CFAP97: variants seen among roughly 807,000 people sequenced by gnomAD.
CFAP97 encodes cilia- and flagella-associated protein 97.
A neutral mutation model predicts 43.1 loss-of-function variants in CFAP97; 36 were observed. That is an observed-to-expected ratio of 0.84 (90% CI 0.64 to 1.10). CFAP97 has a LOEUF of 1.10. Among genes scored for constraint, CFAP97 ranks in the 50% least tolerant of loss-of-function variants. The pLI, the probability that CFAP97 is intolerant of heterozygous loss-of-function variation, is 0.00. For missense variants in CFAP97, 657 were observed against 620.3 expected (o/e 1.06, Z -0.63); for synonymous variants, 228 against 225.7 (o/e 1.01, Z -0.09).
chr4:185,172,101 T>C (rs1173497889), intron 3 of CFAP97, among the ~76,000 whole-genome samples: 1 of 152,204 alleles, frequency 6.6e-6, no homozygotes, highest in African/African-American at 2.4e-5. Flanking sequence ...AGTAATAAAA[T>C]TCTAATTTTA....
chr4:185,170,400 G>C (rs1474109050), intron 3 of CFAP97: 1 of 427,244 alleles, frequency 2.3e-6, no homozygotes, highest in Admixed American at 4.2e-5. Flanking sequence ...CACAGAAGAG[G>C]ATAATTTTAT....
intron 1 of CFAP97, among the ~76,000 whole-genome samples, chr4:185,193,010 A>G (rs879551922): frequency 2.6e-5 from 4 of 151,876 alleles, no homozygotes; most frequent in Admixed American, 6.6e-5. Context: ...AAAGTGCTCA[A>G]ATTACAGGCG....
chr4:185,172,237 A>G (rs982807469), intron 3 of CFAP97, among the ~76,000 whole-genome samples: 3 of 152,238 alleles, frequency 2.0e-5, no homozygotes, highest in Admixed American at 6.5e-5. Flanking sequence ...CTAATAAGCT[A>G]GAATAATTTT....
At position 185,190,498 on chromosome 4, in the gene CFAP97, C is replaced by T. The variant is rs1213094436; in HGVS notation, c.699G>A (p.Gln233=). 1 of 1,613,790 alleles carries T rather than the reference C, an allele frequency of 6.2e-7. No individual in the cohort carries two copies. The highest frequency in any genetic ancestry group is 8.5e-7 in the Non-Finnish European group (1 of 1,179,878). ...YKSGIKSTET[Q]PSSTTPKCGH... ...CACATTTTGGTGTAGTACTTGAAGG[C>T]TGTGTTTCTGTCGATTTTATTCCTG... The change falls in exon 2 of 5, where the codon CAG becomes CAA. Residue 233 remains glutamine, a synonymous_variant. Transcript: ENST00000458385.
At chr4:185,192,221 G>C (rs1013578413) in intron 1 of CFAP97, among the ~76,000 whole-genome samples, 3 of 152,154 alleles carry the variant, frequency 2.0e-5, no homozygotes, top group Non-Finnish European at 4.4e-5. Context: ...TCGAACTTCT[G>C]AATATGTAAT....
rs571963190 is a variant in CFAP97, at chr4:185,161,567, C to T, written c.*1231G>A. ...AAAAACGGCGGTAACAATGAGATAA[C>T]ATACTTTGTTATATAAAAGCCTAAG... is the stretch of plus-strand genomic sequence containing the variant. On this transcript the variant is annotated 3_prime_UTR_variant, in exon 5 of 5. Transcript: ENST00000458385. 7 of 152,230 alleles carry T rather than the reference C, an allele frequency of 4.6e-5. No individual in the cohort carries two copies. Among genetic ancestry groups the T allele is most frequent in the African/African-American group, 1.7e-4 (7 of 41,544 alleles). The allele number at this position is 152,230 out of a possible 1,614,324, so 9.4% of individuals were successfully genotyped here.
rs573072306 is a variant in CFAP97, at chr4:185,190,595, G to C, written c.602C>G (p.Ser201Cys). ...TTTCTTAGATGACTTAGATGACGGA[G>C]ACGAATCAGATAGATGGCTATCAGA... The part of the protein sequence containing the change: ...AGSDSHLSDS[S>C]PSSKSSKKHV... The change falls in exon 2 of 5, where the codon TCT becomes TGT. Residue 201 changes from serine to cysteine, a missense_variant. Ser to Cys is a moderately radical substitution (Grantham distance 112). Coordinates refer to ENST00000458385, the MANE Select transcript of CFAP97 (RefSeq NM_020827.3). 12 of 1,611,810 alleles carry C rather than the reference G, an allele frequency of 7.4e-6. No homozygotes were observed. In the African/African-American group the frequency reaches 8.0e-5, roughly 11 times the overall value.
At chr4:185,167,403 G>A (rs1735113756) in intron 3 of CFAP97, among the ~76,000 whole-genome samples, 2 of 152,130 alleles carry the variant, frequency 1.3e-5, no homozygotes, top group East Asian at 1.9e-4. Flanking sequence ...GGTCGAGGCT[G>A]CAAGTGAGTC....
chr4:185,197,865 C>T (rs1736627208), intron 1 of CFAP97, among the ~76,000 whole-genome samples: 1 of 152,192 alleles, frequency 6.6e-6, no homozygotes, highest in Admixed American at 6.6e-5. Context: ...AGCTAGGCCT[C>T]TTGCACCAGT....
At chr4:185,166,246 G>C (rs1735065874) in intron 3 of CFAP97, among the ~76,000 whole-genome samples, 1 of 152,182 alleles carries the variant, frequency 6.6e-6, no homozygotes, top group Non-Finnish European at 1.5e-5. Flanking sequence ...TGTGGACAGA[G>C]AAGCAGTGTG....
In CFAP97 at chr4:185,176,017, T is replaced by C; in HGVS notation, c.1089A>G (p.Lys363=). 6.2e-7 allele frequency: 1 copy of C among 1,608,324 alleles called. No homozygotes were observed. Among genetic ancestry groups the C allele is most frequent in the Non-Finnish European group, 8.5e-7 (1 of 1,178,084 alleles). Residue 363 remains lysine, a synonymous_variant, in exon 3 of 5, where the codon AAA becomes AAG. Coordinates refer to ENST00000458385, the MANE Select transcript of CFAP97 (RefSeq NM_020827.3). ...FLQLDKKGPQ[K]HHFDQPSVAP... ...CTACTGAAGGCTGATCAAAGTGATGTTTTTGTGGTCCTTTTTTATCTAATT... is the reference window on the plus strand; with the variant it reads ...CTACTGAAGGCTGATCAAAGTGATGCTTTTGTGGTCCTTTTTTATCTAATT...
chr4:185,208,736 AAAAAG>A (rs1382692960), upstream of CFAP97, among the ~76,000 whole-genome samples: 4 of 149,560 alleles, frequency 2.7e-5, no homozygotes, highest in Non-Finnish European at 6.0e-5. Flanking sequence ...AAAAAAAGAA[AAAAAG>A]AAAGAAAGAA....
At chr4:185,165,614 AC>A (rs1470083890) in intron 3 of CFAP97, among the ~76,000 whole-genome samples, 1 of 152,234 alleles carries the variant, frequency 6.6e-6, no homozygotes, top group Non-Finnish European at 1.5e-5. Context: ...ACTGACCTGC[AC>A]TAAGTTTCAC....
At chr4:185,172,032 A>T (rs998539607) in intron 3 of CFAP97, among the ~76,000 whole-genome samples, 1 of 152,162 alleles carries the variant, frequency 6.6e-6, no homozygotes, top group Admixed American at 6.5e-5. Flanking sequence ...AAGCCACTGT[A>T]CCTGGCTAAA....
At position 185,190,242 on chromosome 4, in the gene CFAP97, C is replaced by T. The variant is rs1736175094; in HGVS notation, c.955G>A (p.Val319Ile). 3.7e-6 allele frequency: 6 copies of T among 1,613,684 alleles called. No individual in the cohort carries two copies. Among genetic ancestry groups the T allele is most frequent in the Non-Finnish European group, 5.1e-6 (6 of 1,179,716 alleles). The change falls in exon 2 of 5, where the codon GTC becomes ATC. Residue 319 changes from valine (V) to isoleucine (I), a missense_variant. Transcript: ENST00000458385. The part of the protein sequence containing the change: ...KKGKEKHEPD[V>I]SSKSSSVLDS... ...AACACTGAAGACGACTTTGAGGAGA[C>T]ATCAGGCTCATGTTTTTCTTTCCCT...
At chr4:185,176,120 T>TTTTTC (rs1735527132) in intron 2 of CFAP97, 69 bp from the exon 3 acceptor site, 2 of 1,276,522 alleles carry the variant, frequency 1.6e-6, no homozygotes, top group South Asian at 1.6e-5. Flanking sequence ...TTTTTTTTTT[T>TTTTTC]TTCTCTTTTT....
rs1022331052 is a variant in CFAP97, at chr4:185,190,612, G to A, written c.585C>T (p.Ser195=). The part of the protein sequence containing the change: ...GTDCLDAGSD[S]HLSDSSPSSK... ...ATGACGGAGACGAATCAGATAGATGGCTATCAGACCCTGCATCTAAACAAT... is the reference window on the plus strand; with the variant it reads ...ATGACGGAGACGAATCAGATAGATGACTATCAGACCCTGCATCTAAACAAT... Residue 195 remains serine, a synonymous_variant, in exon 2 of 5, where the codon AGC becomes AGT. Coordinates refer to ENST00000458385, the MANE Select transcript of CFAP97 (RefSeq NM_020827.3). 2.5e-6 allele frequency: 4 copies of A among 1,605,844 alleles called. No individual in the cohort carries two copies. In the African/African-American group the frequency reaches 4.0e-5, roughly 16 times the overall value.
intron 2 of CFAP97, among the ~76,000 whole-genome samples, chr4:185,179,438 G>A (rs1435312814): frequency 6.6e-6 from 1 of 152,186 alleles, no homozygotes; most frequent in Non-Finnish European, 1.5e-5. Flanking sequence ...GAGCATGAAA[G>A]AAATGATGCT....
chr4:185,204,740 T>A (rs1248020339), upstream of CFAP97, among the ~76,000 whole-genome samples: 4 of 152,190 alleles, frequency 2.6e-5, no homozygotes, highest in South Asian at 6.2e-4. Context: ...AAGTTCAAAG[T>A]CAGTAGTGGG....
Sources: gnomAD v4.1 joint callset for allele counts (sites outside exome capture counted in the v4.1 genomes callset) on GRCh38, gnomAD v4.1.1 for gene constraint, MANE v1.5 for transcripts, NCBI Gene and HGNC (gene_info 2026-07-23, HGNC 2026-07-21) for gene names.